OXR1: variants seen among roughly 807,000 people sequenced by gnomAD.
OXR1 encodes the protein oxidation resistance 1.
OXR1 carries 41 observed loss-of-function variants against 104.6 expected under a neutral mutation model. The ratio of observed to expected loss-of-function variants is 0.39; its 90% confidence interval spans 0.31 to 0.51. The LOEUF (loss-of-function observed/expected upper bound fraction) is 0.51, where lower values mean the gene tolerates loss of function less well. OXR1 is among the 20% of genes least tolerant of loss of function. The pLI is 0.77. For missense variants in OXR1, 955 were observed against 1,031.9 expected, an observed-to-expected ratio of 0.93 and a Z score of 1.02; for synonymous variants, 348 against 348.4, an observed-to-expected ratio of 1.00 and a Z score of 0.01.
At chr8:106,397,602 A>C (rs924901029) in intron 2 of OXR1, among the ~76,000 whole-genome samples, 17 of 152,088 alleles carry the variant, frequency 1.1e-4, no homozygotes, top group African/African-American at 4.1e-4. Flanking sequence ...AGTATTGATT[A>C]GTTCCTGTTT....
chr8:106,377,306 C>T (rs564199211), intron 2 of OXR1, among the ~76,000 whole-genome samples: 1 of 151,996 alleles, frequency 6.6e-6, no homozygotes, highest in South Asian at 2.1e-4. Flanking sequence ...TCTCAGTCTC[C>T]CCGGTAGATG....
chr8:106,571,716 C>T (rs914326695), intron 3 of OXR1, among the ~76,000 whole-genome samples: 5 of 152,110 alleles, frequency 3.3e-5, no homozygotes, highest in Non-Finnish European at 7.3e-5. Context: ...GACTAGAAGT[C>T]GAATTCATCC....
rs930542609 is a variant in OXR1, at chr8:106,706,630, T to C, written c.1109T>C (p.Val370Ala). 1.2e-6 allele frequency: 2 copies of C among 1,613,340 alleles called. No homozygotes were observed. The highest frequency in any genetic ancestry group is 1.6e-4 in the Middle Eastern group (1 of 6,076). ...TCTTCTGGTGCGTCATCAGAATCTG[T>C]GCAAACTGTCAATCAGGCTGAAGTA... ...DKSSGASSESVQTVNQAEVES... is the reference protein window; with the variant it reads ...DKSSGASSESAQTVNQAEVES... The change falls in exon 9 of 17, where the codon GTG (valine) becomes GCG (alanine). Residue 370 changes from valine to alanine, a missense_variant. Physicochemically the swap from Val to Ala is moderately conservative, Grantham distance 64. Around this residue, in one of 2 missense-constraint regions of OXR1, gnomAD observed 849 missense variants for 852.9 expected, o/e 1.00. Transcript: ENST00000517566.
chr8:106,631,401 G>A (rs1365791793), intron 3 of OXR1, among the ~76,000 whole-genome samples: 1 of 152,160 alleles, frequency 6.6e-6, no homozygotes, highest in Non-Finnish European at 1.5e-5. Flanking sequence ...TGTTTTACAT[G>A]CATATGGATG....
In OXR1 at chr8:106,404,274, C is replaced by A. The variant is rs4734914; in HGVS notation, c.23+44638C>A. On this transcript the variant is annotated intron_variant, in intron 2 of 16. Transcript: ENST00000517566. ...ACTGAACAGGGGGAGACTTCTTCTA[C>A]GGGTAAAGAAGACTTACCAGAATGT... is the stretch of plus-strand genomic sequence containing the variant. 2.1e-4 allele frequency among the ~76,000 whole-genome samples: 32 copies of A among 151,974 alleles called. No homozygotes were observed. The South Asian group carries it at 6.4e-3, about 31-fold the overall frequency.
intron 1 of OXR1, among the ~76,000 whole-genome samples, chr8:106,297,246 C>T (rs888443270): frequency 6.6e-6 from 1 of 151,944 alleles, no homozygotes; most frequent in African/African-American, 2.4e-5. Context: ...TTTACTTTGT[C>T]TTTGATTATA....
chr8:106,574,628 A>AC (rs1405694431), intron 3 of OXR1, among the ~76,000 whole-genome samples: 1 of 152,232 alleles, frequency 6.6e-6, no homozygotes, highest in Non-Finnish European at 1.5e-5. Flanking sequence ...TTTGGCACAG[A>AC]CCCTCTGAAG....
At chr8:106,314,981 G>T (rs1049094179) in intron 1 of OXR1, among the ~76,000 whole-genome samples, 4 of 151,980 alleles carry the variant, frequency 2.6e-5, no homozygotes, top group African/African-American at 9.7e-5. Flanking sequence ...TAATATAAAA[G>T]GTGTATTTCT....
chr8:106,567,105 A>C (rs1817135370), intron 3 of OXR1, among the ~76,000 whole-genome samples: 1 of 152,180 alleles, frequency 6.6e-6, no homozygotes, highest in Admixed American at 6.6e-5. Context: ...CCCATAATTT[A>C]AAGTATAATA....
At chr8:106,570,829 A>G (rs1817420808) in intron 3 of OXR1, among the ~76,000 whole-genome samples, 1 of 152,172 alleles carries the variant, frequency 6.6e-6, no homozygotes, top group Admixed American at 6.5e-5. Flanking sequence ...CATACCTGCT[A>G]TCTTATTCAC....
intron 8 of OXR1, among the ~76,000 whole-genome samples, chr8:106,706,011 T>C (rs1426668285): frequency 2.0e-5 from 3 of 152,204 alleles, no homozygotes; most frequent in East Asian, 3.8e-4. Context: ...TAAACATTTC[T>C]CTGTGTTTAT....
intron 1 of OXR1, among the ~76,000 whole-genome samples, chr8:106,358,106 C>T (rs1423679787): frequency 1.3e-5 from 2 of 152,168 alleles, no homozygotes; most frequent in East Asian, 1.9e-4. Flanking sequence ...TTCTTTTCTT[C>T]GTCCTCCTTT....
intron 2 of OXR1, among the ~76,000 whole-genome samples, chr8:106,419,496 C>G (rs1206099338): frequency 6.6e-6 from 1 of 152,114 alleles, no homozygotes; most frequent in Admixed American, 6.6e-5. Flanking sequence ...ATGAGCTCAT[C>G]ATATAGCTAG....
chr8:106,571,474 T>C (rs1281732663), intron 3 of OXR1, among the ~76,000 whole-genome samples: 1 of 152,252 alleles, frequency 6.6e-6, no homozygotes, highest in Middle Eastern at 3.4e-3. Context: ...TAAATACCAT[T>C]GCCCTGGGAG....
At chr8:106,427,817 T>A (rs1298133364) in intron 2 of OXR1, among the ~76,000 whole-genome samples, 1 of 152,118 alleles carries the variant, frequency 6.6e-6, no homozygotes, top group Non-Finnish European at 1.5e-5. Context: ...GTCGGACACC[T>A]GGGGGCACAT....
intron 1 of OXR1, among the ~76,000 whole-genome samples, chr8:106,321,451 G>A (rs1430974096): frequency 1.3e-5 from 2 of 152,218 alleles, no homozygotes; most frequent in Non-Finnish European, 2.9e-5. Flanking sequence ...ACAGAAGTCA[G>A]AGGTTGATGT....
intron 2 of OXR1, among the ~76,000 whole-genome samples, chr8:106,366,604 A>C (rs1193429041): frequency 1.3e-5 from 2 of 152,216 alleles, no homozygotes; most frequent in African/African-American, 2.4e-5. Flanking sequence ...TTAGACATGA[A>C]TATAAGGCTG....
chr8:106,296,951 A>G (rs369928754), intron 1 of OXR1, among the ~76,000 whole-genome samples: 10 of 152,212 alleles, frequency 6.6e-5, no homozygotes, highest in African/African-American at 2.4e-4. Context: ...GTTAGTCTTC[A>G]TCTCTAGGAG....
intron 3 of OXR1, among the ~76,000 whole-genome samples, chr8:106,639,588 A>G (rs1024197097): frequency 6.6e-6 from 1 of 152,186 alleles, no homozygotes; most frequent in Non-Finnish European, 1.5e-5. Flanking sequence ...TGTAGTGCCT[A>G]AAAAGAAGGA....
Sources: allele counts gnomAD v4.1 joint callset (sites outside exome capture counted in the v4.1 genomes callset), GRCh38; gene constraint gnomAD v4.1.1; regional missense constraint gnomAD v4.1.1; transcripts MANE v1.5; gene names NCBI Gene and HGNC (gene_info 2026-07-23, HGNC 2026-07-21).